The following PCDHA5 variants were observed in gnomAD, a reference collection of about 807,000 sequenced individuals.
The protein encoded by PCDHA5 is protocadherin alpha 5.
Under a neutral mutation model 61.6 loss-of-function variants are expected in PCDHA5, and 43 were observed. The observed-to-expected ratio is 0.70, with a 90% CI of 0.55 to 0.90. The LOEUF (loss-of-function observed/expected upper bound fraction) is 0.90. Ranked by LOEUF, PCDHA5 falls within the 40% of genes least tolerant of loss-of-function variation. PCDHA5 has a pLI of 0.00. For synonymous variants in PCDHA5, 627 were observed against 543.9 expected (o/e 1.15, Z -2.13); for missense variants, 1,298 against 1,222.7 (o/e 1.06, Z -0.92).
At chr5:140,978,520 C>T (rs2096807249) in intron 1 of PCDHA5, among the ~76,000 whole-genome samples, 1 of 152,214 alleles carries the variant, frequency 6.6e-6, no homozygotes, top group Non-Finnish European at 1.5e-5. Flanking sequence ...GCAGTCCAGC[C>T]AGGCCAGCAG....
At chr5:140,984,566 C>T (rs899278255) in intron 3 of PCDHA5, among the ~76,000 whole-genome samples, 4 of 152,124 alleles carry the variant, frequency 2.6e-5, no homozygotes, top group Non-Finnish European at 5.9e-5. Context: ...TCCAACTACT[C>T]CATGGCAACC....
chr5:140,966,341 G>T, intron 1 of PCDHA5: 1 of 396,732 alleles, frequency 2.5e-6, no homozygotes, highest in Non-Finnish European at 4.4e-6. Context: ...CAGGTCCAGG[G>T]TGAAGGAGAT....
chr5:140,926,609 G>T, intron 1 of PCDHA5: 1 of 350,856 alleles, frequency 2.9e-6, no homozygotes, highest in Non-Finnish European at 5.0e-6. Flanking sequence ...CCTCGTCTCT[G>T]CACCCCTAGG....
chr5:140,996,814 G>T (rs1186688734), intron 3 of PCDHA5, among the ~76,000 whole-genome samples: 1 of 152,144 alleles, frequency 6.6e-6, no homozygotes, highest in African/African-American at 2.4e-5. Flanking sequence ...CTTTCCAAAA[G>T]TAACCACTAC....
chr5:140,928,551 G>C, intron 1 of PCDHA5: 1 of 1,614,164 alleles, frequency 6.2e-7, no homozygotes, highest in Non-Finnish European at 8.5e-7. Context: ...ACAATTATCC[G>C]GTTATCTTGT....
chr5:140,847,597 C>G (rs1439547927), intron 1 of PCDHA5: 1 of 149,348 alleles, frequency 6.7e-6, no homozygotes, highest in African/African-American at 2.5e-5. Context: ...GAAATTAAAA[C>G]ATATTGTAAT....
intron 3 of PCDHA5, among the ~76,000 whole-genome samples, chr5:140,988,042 T>C (rs1365233473): frequency 1.3e-5 from 2 of 152,212 alleles, no homozygotes. Context: ...AGAATCTGTT[T>C]AGGAGCACTG....
intron 1 of PCDHA5, chr5:140,829,465 C>G (rs2150168424): frequency 1.2e-6 from 2 of 1,613,822 alleles, no homozygotes; most frequent in Admixed American, 1.7e-5. Flanking sequence ...TCGCGCAGCC[C>G]GAGTACACAG....
intron 1 of PCDHA5, chr5:140,836,663 T>A: frequency 3.1e-6 from 5 of 1,613,494 alleles, no homozygotes; most frequent in Middle Eastern, 1.7e-4. Context: ...GGGTGTGCTC[T>A]GGGGAGGGCC....
rs149731120 is a variant in PCDHA5 at position 140,857,612 on chromosome 5, C to T, written c.2352+33485C>T. On this transcript the variant is annotated intron_variant, in intron 1 of 3. Coordinates refer to ENST00000529859, the MANE Select transcript of PCDHA5 (RefSeq NM_018908.3). ...CGGCAAGGTGTACGCGCTGCAGCCGCTGGACCACGAGGAGCTGGAGCTGCT... is the reference window on the plus strand; with the variant it reads ...CGGCAAGGTGTACGCGCTGCAGCCGTTGGACCACGAGGAGCTGGAGCTGCT... 1.6e-4 allele frequency: 263 copies of T among 1,596,592 alleles called. 14 individuals carry two copies. Among genetic ancestry groups the T allele is most frequent in the African/African-American group, 1.5e-3 (115 of 74,450 alleles).
intron 1 of PCDHA5, among the ~76,000 whole-genome samples, chr5:140,891,825 G>T (rs2153435686): frequency 6.6e-6 from 1 of 152,302 alleles, no homozygotes; most frequent in East Asian, 1.9e-4. Flanking sequence ...TAACGGCACT[G>T]TAAAAGGACT....
intron 1 of PCDHA5, among the ~76,000 whole-genome samples, chr5:140,938,877 A>ACACACACACACACAGATG (rs2092241507): frequency 1.3e-5 from 2 of 150,854 alleles, no homozygotes; most frequent in South Asian, 4.2e-4. Context: ...TTAAGAAGCA[A>ACACACACACACACAGATG]CACACACACA....
chr5:140,828,554 G>C, intron 1 of PCDHA5: 1 of 1,614,212 alleles, frequency 6.2e-7, no homozygotes. Flanking sequence ...GTTTCCACTG[G>C]AGGGCGCGTC....
At position 140,869,155 on chromosome 5, in the gene PCDHA5, C is replaced by G. The variant is rs74664704; in HGVS notation, c.2352+45028C>G. On this transcript the variant is annotated intron_variant, in intron 1 of 3. Transcript: ENST00000529859. The stretch of plus-strand genomic sequence containing the variant: ...GGGCACCCCACGACTACAGCTCTGG[C>G]TTCTCCTCCTCGAATTCTGGGAGGT... 3.7e-4 allele frequency: 593 copies of G among 1,613,808 alleles called. 1 individual carries two copies. In the African/African-American group the frequency reaches 7.1e-3, roughly 19 times the overall value.
At chr5:140,854,296 G>T in intron 1 of PCDHA5, 4 of 437,926 alleles carry the variant, frequency 9.1e-6, no homozygotes, top group Non-Finnish European at 1.2e-5. Context: ...TTATTATTTT[G>T]TGCGTGGAGA....
intron 1 of PCDHA5, chr5:140,877,134 C>T (rs1339173132): frequency 1.4e-5 from 22 of 1,613,594 alleles, no homozygotes; most frequent in Non-Finnish European, 1.8e-5. Flanking sequence ...TGCAGGTGTT[C>T]GTGCTGGACG....
chr5:140,997,921 G>T lies in PCDHA5; in HGVS notation c.2501-11706G>T, dbSNP rs553205382. On this transcript the variant is annotated intron_variant, in intron 3 of 3. Coordinates refer to ENST00000529859, the MANE Select transcript of PCDHA5 (RefSeq NM_018908.3). ...CAAGAAGTAGAATTACAGAATCATA[G>T]GATATAAAAATATCAAATTGGCAAA... is the stretch of plus-strand genomic sequence containing the variant. Among the ~76,000 whole-genome samples the T allele has an allele frequency of 1.1e-4, 16 of 152,200 alleles. No homozygotes were observed. The South Asian group carries it at 3.3e-3, about 32-fold the overall frequency.
intron 1 of PCDHA5, among the ~76,000 whole-genome samples, chr5:140,971,333 G>A (rs1015985935): frequency 6.6e-6 from 1 of 152,194 alleles, no homozygotes. Context: ...AATTATTTCA[G>A]AAAGTGCTTG....
At chr5:140,851,673 T>C (rs2042127540) in intron 1 of PCDHA5, 1 of 917,738 alleles carries the variant, frequency 1.1e-6, no homozygotes, top group Non-Finnish European at 1.3e-6. Flanking sequence ...TAATTGAAAT[T>C]TTCTCCATTC....
Sources: allele counts gnomAD v4.1 joint callset (sites outside exome capture counted in the v4.1 genomes callset), GRCh38; gene constraint gnomAD v4.1.1; transcripts MANE v1.5; gene names NCBI Gene and HGNC (gene_info 2026-07-23, HGNC 2026-07-21).